Variants in STARD13 observed in about 807,000 individuals in gnomAD.
The protein encoded by STARD13 is stAR-related lipid transfer protein 13.
STARD13 carries 62 observed loss-of-function variants against 106.4 expected under a neutral mutation model. The observed-to-expected ratio is 0.58, with a 90% CI of 0.48 to 0.72. The LOEUF is 0.72. Among genes scored for constraint, STARD13 ranks in the 30% least tolerant of loss-of-function variants. STARD13 has a pLI of 0.00. For synonymous variants in STARD13, 565 were observed against 553.0 expected, an observed-to-expected ratio of 1.02 and a Z score of -0.31; for missense variants, 1,387 against 1,424.0, an observed-to-expected ratio of 0.97 and a Z score of 0.42.
the STARD13 span, among the ~76,000 whole-genome samples, chr13:33,467,182 A>G: frequency 1.3e-4 from 20 of 152,014 alleles, no homozygotes; most frequent in South Asian, 4.2e-3. Context: ...TATACAGCTC[A>G]CCATAATGTA....
the STARD13 span, among the ~76,000 whole-genome samples, chr13:33,644,743 C>T: frequency 6.6e-6 from 1 of 152,078 alleles, no homozygotes; most frequent in African/African-American, 2.4e-5. Context: ...GTCTGTGTTC[C>T]AAAAAAGCAG....
the STARD13 span, among the ~76,000 whole-genome samples, chr13:33,643,157 A>T: frequency 2.3e-5 from 3 of 132,480 alleles, no homozygotes; most frequent in Non-Finnish European, 4.6e-5. Context: ...TACATAGAAC[A>T]TGCACACACA....
At chr13:33,422,019 C>A in the STARD13 span, among the ~76,000 whole-genome samples, 1 of 145,082 alleles carries the variant, frequency 6.9e-6, no homozygotes, top group Non-Finnish European at 1.5e-5. Flanking sequence ...GGAAGCATTC[C>A]CTCTGAAAAC....
chr13:33,324,672 A>AC (rs1362311505), intron 1 of STARD13, among the ~76,000 whole-genome samples: 1 of 152,232 alleles, frequency 6.6e-6, no homozygotes, highest in East Asian at 1.9e-4. Flanking sequence ...TCTGTTTTTC[A>AC]CTCAATGTTA....
the STARD13 span, among the ~76,000 whole-genome samples, chr13:33,419,913 T>C: frequency 6.6e-6 from 1 of 152,158 alleles, no homozygotes; most frequent in Non-Finnish European, 1.5e-5. Context: ...TGCTGAGAGA[T>C]TTTGTCCCCA....
chr13:33,184,076 C>A (rs776992276), intron 1 of STARD13, among the ~76,000 whole-genome samples: 23 of 152,326 alleles, frequency 1.5e-4, no homozygotes, highest in Non-Finnish European at 3.1e-4. Context: ...TAAAGCCTTT[C>A]TCTCTACTTT....
the STARD13 span, among the ~76,000 whole-genome samples, chr13:33,406,436 G>A: frequency 1.3e-5 from 2 of 152,190 alleles, no homozygotes; most frequent in African/African-American, 2.4e-5. Context: ...CGGAGCTCTT[G>A]CTATTAGGAG....
chr13:33,292,445 A>G (rs949207378), intron 1 of STARD13, among the ~76,000 whole-genome samples: 2 of 150,830 alleles, frequency 1.3e-5, no homozygotes, highest in Non-Finnish European at 2.9e-5. Context: ...AAAAAAAATT[A>G]CAAAACTTAG....
At chr13:33,219,174 T>C (rs1888204100) in intron 1 of STARD13, among the ~76,000 whole-genome samples, 4 of 152,150 alleles carry the variant, frequency 2.6e-5, no homozygotes, top group Admixed American at 6.5e-5. Flanking sequence ...ACGGTCACCA[T>C]GCAGTACGCC....
At chr13:33,268,737 G>C (rs1891024458) in intron 1 of STARD13, among the ~76,000 whole-genome samples, 1 of 152,188 alleles carries the variant, frequency 6.6e-6, no homozygotes, top group Admixed American at 6.5e-5. Flanking sequence ...GCTTCTCAGA[G>C]CCAAACAAAA....
intron 1 of STARD13, among the ~76,000 whole-genome samples, chr13:33,205,512 A>G (rs182496452): frequency 6.6e-6 from 1 of 152,298 alleles, no homozygotes; most frequent in Admixed American, 6.5e-5. Flanking sequence ...ATAAATAGAG[A>G]GAGAAGGAAG....
chr13:33,548,751 CACTG>C, the STARD13 span, among the ~76,000 whole-genome samples: 2 of 151,976 alleles, frequency 1.3e-5, no homozygotes. Flanking sequence ...TAATTATAAA[CACTG>C]AGAGTATTTA....
At chr13:33,524,010 G>A in the STARD13 span, among the ~76,000 whole-genome samples, 1 of 152,072 alleles carries the variant, frequency 6.6e-6, no homozygotes, top group Non-Finnish European at 1.5e-5. Context: ...CCTTCAGCAA[G>A]AGCATTTTTT....
intron 1 of STARD13, among the ~76,000 whole-genome samples, chr13:33,303,992 A>G (rs1445594167): frequency 1.3e-5 from 2 of 152,212 alleles, no homozygotes; most frequent in Admixed American, 1.3e-4. Flanking sequence ...CCCTAGACCT[A>G]CTCAATCAGA....
intron 1 of STARD13, among the ~76,000 whole-genome samples, chr13:33,215,444 T>G (rs77510030): frequency 0.014 from 2,174 of 152,340 alleles, 52 homozygotes; most frequent in African/African-American, 0.05. Flanking sequence ...TCTTTCACTT[T>G]GTAATATAGC....
At chr13:33,283,844 C>T (rs1184743070) in intron 1 of STARD13, among the ~76,000 whole-genome samples, 1 of 152,134 alleles carries the variant, frequency 6.6e-6, no homozygotes, top group Non-Finnish European at 1.5e-5. Flanking sequence ...AAAAATAACC[C>T]TCATTCCAAA....
chr13:33,559,416 T>C, the STARD13 span, among the ~76,000 whole-genome samples: 1 of 151,652 alleles, frequency 6.6e-6, no homozygotes, highest in South Asian at 2.1e-4. Flanking sequence ...ATAGTTGGTG[T>C]TAAATATTGA....
At chr13:33,634,337 G>A in the STARD13 span, among the ~76,000 whole-genome samples, 1 of 152,138 alleles carries the variant, frequency 6.6e-6, no homozygotes, top group Non-Finnish European at 1.5e-5. Flanking sequence ...GTTAAAGTAT[G>A]CCTTCATGAT....
intron 1 of STARD13, among the ~76,000 whole-genome samples, chr13:33,273,079 A>G (rs571953382): frequency 2.6e-5 from 4 of 152,344 alleles, no homozygotes; most frequent in Non-Finnish European, 4.4e-5. Context: ...TTTCCATACA[A>G]CAAAACTCGA....
Sources: allele counts gnomAD v4.1 joint callset (sites outside exome capture counted in the v4.1 genomes callset), GRCh38; gene constraint gnomAD v4.1.1; transcripts MANE v1.5; gene names NCBI Gene and HGNC (gene_info 2026-07-23, HGNC 2026-07-21).